MMRN1: variants seen among roughly 807,000 people sequenced by gnomAD.
MMRN1 encodes multimerin-1.
Under a neutral mutation model 100.7 loss-of-function variants are expected in MMRN1, and 94 were observed. That is an observed-to-expected ratio of 0.93 (90% CI 0.79 to 1.11). The LOEUF is 1.11. Among genes scored for constraint, MMRN1 ranks in the 50% least tolerant of loss-of-function variants. The pLI, the probability that MMRN1 is intolerant of heterozygous loss-of-function variation, is 0.00. For synonymous variants in MMRN1, 575 were observed against 505.0 expected (o/e 1.14, Z -1.86); for missense variants, 1,606 against 1,439.1 (o/e 1.12, Z -1.88).
chr4:89,903,909 A>AC (rs200247491), intron 1 of MMRN1, among the ~76,000 whole-genome samples: 1,638 of 150,944 alleles, frequency 0.011, 21 homozygotes, highest in Middle Eastern at 0.044. Flanking sequence ...AAAAAAAAAA[A>AC]AAAACTCTAG....
At chr4:89,893,078 C>T (rs945890986), upstream of MMRN1, among the ~76,000 whole-genome samples, 1 of 151,918 alleles carries the variant, frequency 6.6e-6, no homozygotes, top group African/African-American at 2.4e-5. Context: ...CACTGTAAAG[C>T]CTTTTTCTTT....
intron 1 of MMRN1, among the ~76,000 whole-genome samples, chr4:89,884,745 T>C (rs769268507): frequency 3.5e-4 from 53 of 151,992 alleles, no homozygotes; most frequent in Non-Finnish European, 4.6e-4. Flanking sequence ...TACAGGAGTG[T>C]GCCACCACAC....
chr4:89,896,262 C>A (rs1357277381), intron 1 of MMRN1, among the ~76,000 whole-genome samples: 1 of 152,152 alleles, frequency 6.6e-6, no homozygotes, highest in South Asian at 2.1e-4. Flanking sequence ...TGCTCAACAA[C>A]TCAAATTTTG....
At chr4:89,897,278 G>A (rs1721235753) in intron 1 of MMRN1, among the ~76,000 whole-genome samples, 1 of 150,974 alleles carries the variant, frequency 6.6e-6, no homozygotes, top group Admixed American at 6.6e-5. Context: ...GCACAATCTC[G>A]GCTCACTGCA....
At chr4:89,906,831 T>A (rs778636036) in intron 1 of MMRN1, among the ~76,000 whole-genome samples, 13 of 151,654 alleles carry the variant, frequency 8.6e-5, no homozygotes, top group Middle Eastern at 3.4e-3. Flanking sequence ...CCATGAGCAG[T>A]CTGCTGATCT....
intron 4 of MMRN1, among the ~76,000 whole-genome samples, chr4:89,926,671 T>C (rs1263639149): frequency 6.6e-6 from 1 of 152,182 alleles, no homozygotes. Flanking sequence ...TGAGTGCCTG[T>C]GGTTGTGGGG....
At chr4:89,945,211 G>C (rs1046618427) in intron 6 of MMRN1, among the ~76,000 whole-genome samples, 4 of 152,078 alleles carry the variant, frequency 2.6e-5, no homozygotes, top group African/African-American at 7.2e-5. Flanking sequence ...GTAGTGTATA[G>C]TATAAATATA....
chr4:89,915,840 G>C (rs1721894668), intron 3 of MMRN1, among the ~76,000 whole-genome samples: 1 of 151,624 alleles, frequency 6.6e-6, no homozygotes, highest in Non-Finnish European at 1.5e-5. Context: ...ATGTCCTTCT[G>C]TCCCTGTACC....
At chr4:89,908,373 T>C (rs947567612) in intron 1 of MMRN1, among the ~76,000 whole-genome samples, 3 of 151,424 alleles carry the variant, frequency 2.0e-5, no homozygotes, top group Non-Finnish European at 1.5e-5. Flanking sequence ...TGTTTTTAGT[T>C]TATTATATGA....
At chr4:89,920,233 C>T (rs1008440375) in intron 3 of MMRN1, among the ~76,000 whole-genome samples, 1 of 152,080 alleles carries the variant, frequency 6.6e-6, no homozygotes, top group African/African-American at 2.4e-5. Context: ...AATTGGCCGA[C>T]CACATTGCTA....
intron 6 of MMRN1, among the ~76,000 whole-genome samples, chr4:89,939,566 A>T (rs1410434015): frequency 2.0e-5 from 3 of 152,084 alleles, no homozygotes; most frequent in Non-Finnish European, 1.5e-5. Context: ...GAGTAAACTG[A>T]CCCTCGGAGA....
chr4:89,919,574 T>C (rs191177602), intron 3 of MMRN1, among the ~76,000 whole-genome samples: 2 of 151,906 alleles, frequency 1.3e-5, no homozygotes, highest in Non-Finnish European at 2.9e-5. Context: ...TTATATTGAA[T>C]TTATTTTTTA....
intron 4 of MMRN1, 94 bp from the exon 5 acceptor site, chr4:89,927,701 A>C: frequency 8.9e-7 from 1 of 1,125,884 alleles, no homozygotes; most frequent in East Asian, 2.6e-5. Flanking sequence ...CAGCTTACAG[A>C]AGAAAGGGTT....
chr4:89,910,331 A>G (rs1316355130), intron 2 of MMRN1, among the ~76,000 whole-genome samples: 1 of 151,588 alleles, frequency 6.6e-6, no homozygotes, highest in Middle Eastern at 3.4e-3. Context: ...TTTAGTAATA[A>G]AAAATTTACC....
At chr4:89,897,752 G>A (rs1198728804) in intron 1 of MMRN1, among the ~76,000 whole-genome samples, 1 of 152,140 alleles carries the variant, frequency 6.6e-6, no homozygotes, top group Non-Finnish European at 1.5e-5. Context: ...TCATGTGCTA[G>A]CACTGTGCTA....
At chr4:89,884,364 A>G (rs866467908) in intron 1 of MMRN1, among the ~76,000 whole-genome samples, 1 of 152,034 alleles carries the variant, frequency 6.6e-6, no homozygotes, top group Non-Finnish European at 1.5e-5. Flanking sequence ...TGTTTCAAAA[A>G]ATTTTTGGCA....
chr4:89,917,740 T>A (rs1259021517), intron 3 of MMRN1, among the ~76,000 whole-genome samples: 2 of 151,932 alleles, frequency 1.3e-5, no homozygotes, highest in Non-Finnish European at 2.9e-5. Flanking sequence ...GATTTACCCA[T>A]CAGATTTAGA....
In MMRN1 at chr4:89,953,019, A is replaced by T; in HGVS notation, c.3288A>T (p.Arg1096Ser). ...CAGATTTTTCCAAAGGATCTTACAG[A>T]TATGCACCCATGGTGGCATTTTTTG... ...LAPDFSKGSYRYAPMVAFFAS... is the reference protein window; with the variant it reads ...LAPDFSKGSYSYAPMVAFFAS... The change falls in exon 8 of 8, where the codon AGA becomes AGT. Residue 1096 changes from arginine to serine, a missense_variant. Arg to Ser is a moderately radical substitution (Grantham distance 110, BLOSUM62 -1). Transcript: ENST00000264790. The T allele has an allele frequency of 6.2e-7, 1 of 1,608,148 alleles. No individual in the cohort carries two copies. Among genetic ancestry groups the T allele is most frequent in the Admixed American group, 1.7e-5 (1 of 59,298 alleles).
upstream of MMRN1, among the ~76,000 whole-genome samples, chr4:89,890,375 A>T (rs116104527): frequency 8.3e-3 from 1,259 of 151,682 alleles, 11 homozygotes; most frequent in African/African-American, 0.029. Context: ...GTTTCTGCCC[A>T]TTGGCGTTCC....
Sources: gnomAD v4.1 joint callset for allele counts (sites outside exome capture counted in the v4.1 genomes callset) on GRCh38, gnomAD v4.1.1 for gene constraint, MANE v1.5 for transcripts, NCBI Gene and HGNC (gene_info 2026-07-23, HGNC 2026-07-21) for gene names.